SLC25A13: variants seen among roughly 807,000 people sequenced by gnomAD.
The protein encoded by SLC25A13 is electrogenic aspartate/glutamate antiporter SLC25A13, mitochondrial.
A neutral mutation model predicts 85.5 loss-of-function variants in SLC25A13; 70 were observed. The ratio of observed to expected loss-of-function variants is 0.82; its 90% CI spans 0.68 to 1.00. The LOEUF is 1.00. Among genes scored for constraint, SLC25A13 ranks in the 50% least tolerant of loss-of-function variants. The probability of loss-of-function intolerance (pLI) is 0.00; values close to 1 mark genes in which losing one functional copy is unlikely to be tolerated. For missense variants in SLC25A13, 765 were observed against 819.8 expected (o/e 0.93, Z 0.82); for synonymous variants, 259 against 288.7 (o/e 0.90, Z 1.04).
chr7:96,233,253 C>T (rs895706163), intron 4 of SLC25A13, among the ~76,000 whole-genome samples: 7 of 152,162 alleles, frequency 4.6e-5, no homozygotes, highest in East Asian at 1.9e-4. Context: ...CCCCAGGAAA[C>T]GCTATTATAA....
chr7:96,180,661 T>G (rs1212124914), intron 11 of SLC25A13, among the ~76,000 whole-genome samples: 3 of 152,220 alleles, frequency 2.0e-5, no homozygotes, highest in African/African-American at 7.2e-5. Context: ...TTCCCCAAGA[T>G]TCTCCCAAAA....
chr7:96,301,921 C>T (rs565025267), intron 1 of SLC25A13, among the ~76,000 whole-genome samples: 1 of 152,272 alleles, frequency 6.6e-6, no homozygotes, highest in African/African-American at 2.4e-5. Flanking sequence ...AGCCACCATG[C>T]CTGGCCCAGA....
At chr7:96,253,729 G>A (rs754105950) in intron 3 of SLC25A13, among the ~76,000 whole-genome samples, 2 of 152,084 alleles carry the variant, frequency 1.3e-5, no homozygotes, top group Non-Finnish European at 2.9e-5. Flanking sequence ...CAAGTGAGAC[G>A]GTATTCTGAG....
chr7:96,189,177 A>T, intron 9 of SLC25A13, 117 bp downstream of exon 9: 1 of 877,910 alleles, frequency 1.1e-6, no homozygotes, highest in African/African-American at 1.7e-5. Flanking sequence ...GTTTTGGTGC[A>T]AAACAGAAAA....
chr7:96,184,894 A>G lies in SLC25A13; in HGVS notation c.1018+33T>C, dbSNP rs374017898. ...CAGAGAAAAGAGAATAGGAATAACA[A>G]AAGTGAAAATTTTTCTCTCATCCAT... On this transcript the variant is annotated intron_variant, in intron 10 of 17. Coordinates refer to ENST00000265631, the MANE Select transcript of SLC25A13 (RefSeq NM_014251.3). The G allele has an allele frequency of 2.0e-4, 302 of 1,545,668 alleles. 2 individuals carry two copies. Among genetic ancestry groups the G allele is most frequent in the Middle Eastern group, 1.5e-3 (9 of 5,964 alleles).
intron 3 of SLC25A13, among the ~76,000 whole-genome samples, chr7:96,267,894 G>A (rs1798097138): frequency 6.6e-6 from 1 of 152,044 alleles, no homozygotes; most frequent in Admixed American, 6.5e-5. Flanking sequence ...TGGTGAATCT[G>A]TCAGCTTCAT....
chr7:96,308,439 C>CA (rs1351603497), intron 1 of SLC25A13, among the ~76,000 whole-genome samples: 1 of 152,218 alleles, frequency 6.6e-6, no homozygotes, highest in Non-Finnish European at 1.5e-5. Flanking sequence ...GCTGAATTAG[C>CA]AGCAGGTCTC....
chr7:96,322,038 CCGGCGGCGG>C lies in SLC25A13; in HGVS notation c.-91_-83del. ...GGACCCGGGCGGCTCACTTCTAGTC[CCGGCGGCGG>C]CGGCGGTGGGGGCGGCGATACGGCC... is the stretch of plus-strand genomic sequence containing the variant. On this transcript the variant is annotated 5_prime_UTR_variant, in exon 1 of 18. Transcript: ENST00000265631. 1.3e-6 allele frequency: 2 copies of C among 1,511,726 alleles called. No homozygotes were observed. Among genetic ancestry groups the C allele is most frequent in the Non-Finnish European group, 8.9e-7 (1 of 1,127,252 alleles). The allele number at this position is 1,511,726 out of a possible 1,614,324, so 93.6% of individuals were successfully genotyped here.
chr7:96,258,215 C>T lies in SLC25A13; in HGVS notation c.212+18981G>A, dbSNP rs144025247. Among the ~76,000 whole-genome samples the T allele has an allele frequency of 9.6e-3, 1,457 of 152,194 alleles. 26 individuals carry two copies. The highest frequency in any genetic ancestry group is 0.034 in the African/African-American group (1,403 of 41,528). On this transcript the variant is annotated intron_variant, in intron 3 of 17. Transcript: ENST00000265631. ...TTCAAAATAGTATTGGAAGTTCTGG[C>T]CAGGGCAATCAGGCAAGAGAAAGAA...
At chr7:96,222,686 C>T (rs530912039) in intron 4 of SLC25A13, among the ~76,000 whole-genome samples, 27 of 152,236 alleles carry the variant, frequency 1.8e-4, no homozygotes, top group African/African-American at 4.3e-4. Context: ...CCTTGTGATC[C>T]GCCCGCCTCA....
Position 96,258,599 on chromosome 7 carries a change from T to C in SLC25A13, c.212+18597A>G, listed in dbSNP as rs1388756167. On this transcript the variant is annotated intron_variant, in intron 3 of 17. Coordinates refer to ENST00000265631, the MANE Select transcript of SLC25A13 (RefSeq NM_014251.3). ...CAAATGGAAAAACATTCCATGCCCA[T>C]GGATAGGAAGAATCAATATCGTGAA... 2.6e-5 allele frequency among the ~76,000 whole-genome samples: 4 copies of C among 152,170 alleles called. 1 individual carries two copies. Among genetic ancestry groups the C allele is most frequent in the Non-Finnish European group, 5.9e-5 (4 of 68,024 alleles).
intron 4 of SLC25A13, among the ~76,000 whole-genome samples, chr7:96,229,491 T>C (rs1048340858): frequency 2.6e-5 from 4 of 152,130 alleles, no homozygotes; most frequent in African/African-American, 7.2e-5. Flanking sequence ...AGTGGCAACC[T>C]GCTCTGGTCC....
chr7:96,288,785 T>G (rs1249612397), intron 2 of SLC25A13, among the ~76,000 whole-genome samples: 1 of 152,124 alleles, frequency 6.6e-6, no homozygotes, highest in Non-Finnish European at 1.5e-5. Flanking sequence ...TCGAACTGGG[T>G]GGAGCCCACC....
chr7:96,234,425 A>C (rs73235911), intron 4 of SLC25A13, among the ~76,000 whole-genome samples: 1 of 152,120 alleles, frequency 6.6e-6, no homozygotes, highest in Non-Finnish European at 1.5e-5. Flanking sequence ...TATAGGGTGC[A>C]TAAGTAACTT....
intron 4 of SLC25A13, among the ~76,000 whole-genome samples, chr7:96,224,204 T>C (rs1424512988): frequency 2.0e-5 from 3 of 152,146 alleles, no homozygotes; most frequent in African/African-American, 4.8e-5. Context: ...TTCACATAGA[T>C]ACTGTGAAGC....
chr7:96,306,967 G>T, intron 1 of SLC25A13: 2 of 851,298 alleles, frequency 2.3e-6, no homozygotes, highest in East Asian at 2.7e-5. Context: ...GTGACCACAG[G>T]TCCCAGCACC....
At chr7:96,279,882 C>T (rs1798607072) in intron 2 of SLC25A13, among the ~76,000 whole-genome samples, 1 of 152,164 alleles carries the variant, frequency 6.6e-6, no homozygotes, top group South Asian at 2.1e-4. Flanking sequence ...GCAAATCATT[C>T]TCTCTTCCAG....
chr7:96,272,512 C>T (rs968267405), intron 3 of SLC25A13, among the ~76,000 whole-genome samples: 6 of 152,168 alleles, frequency 3.9e-5, no homozygotes, highest in Non-Finnish European at 8.8e-5. Flanking sequence ...TAAAAGGAAT[C>T]AGAGCTTCTT....
intron 4 of SLC25A13, among the ~76,000 whole-genome samples, chr7:96,214,998 A>G (rs1473120748): frequency 6.6e-6 from 1 of 152,228 alleles, no homozygotes; most frequent in Non-Finnish European, 1.5e-5. Context: ...TATAGATTCA[A>G]TGTAATCCCT....
Sources: allele counts gnomAD v4.1 joint callset (sites outside exome capture counted in the v4.1 genomes callset), GRCh38; gene constraint gnomAD v4.1.1; transcripts MANE v1.5; gene names NCBI Gene and HGNC (gene_info 2026-07-23, HGNC 2026-07-21).